BCLAF3: variants seen among roughly 807,000 people sequenced by gnomAD.
BCLAF3 encodes transient octamer binding factor 1.
Under a neutral mutation model 51.2 loss-of-function variants are expected in BCLAF3, and 24 were observed. The observed-to-expected ratio is 0.47, with a 90% CI of 0.34 to 0.66. BCLAF3 has a LOEUF of 0.66. Among genes scored for constraint, BCLAF3 ranks in the 30% least tolerant of loss-of-function variants. The pLI, the probability that BCLAF3 is intolerant of heterozygous loss-of-function variation, is 0.01. For synonymous variants in BCLAF3, 152 were observed against 176.6 expected, an observed-to-expected ratio of 0.86 and a Z score of 1.10; for missense variants, 465 against 525.1, an observed-to-expected ratio of 0.89 and a Z score of 1.12.
At chrX:19,955,946 T>C (rs1191812115) in intron 4 of BCLAF3, among the ~76,000 whole-genome samples, 1 of 112,342 alleles carries the variant, frequency 8.9e-6, no homozygotes, top group African/African-American at 3.2e-5. Context: ...TTATTTTATC[T>C]TGAAATACTA....
intron 10 of BCLAF3, among the ~76,000 whole-genome samples, chrX:19,932,039 T>C (rs962109250): frequency 1.1e-4 from 12 of 112,565 alleles, no homozygotes; most frequent in Non-Finnish European, 1.9e-4. Flanking sequence ...GAATGAAAGC[T>C]ATGAATTCTA....
chrX:19,933,435 T>A (rs1378568210), intron 10 of BCLAF3, among the ~76,000 whole-genome samples: 2 of 112,352 alleles, frequency 1.8e-5, no homozygotes, highest in African/African-American at 6.5e-5. Flanking sequence ...GCGCAAATGA[T>A]GTATTACAAC....
rs750690716 is a variant in BCLAF3 at position 19,970,204 on chromosome X, C to T, written c.41+20G>A. On this transcript the variant is annotated intron_variant, in intron 2 of 11. Coordinates refer to ENST00000379682, the MANE Select transcript of BCLAF3 (RefSeq NM_001367774.2). ...ACAGCACATCCCAAATCCAAGCTTA[C>T]TCTGCTAAGAACTGCTCACCTGTGT... 3 of 1,198,014 alleles carry T rather than the reference C, an allele frequency of 2.5e-6. No homozygotes were observed. The highest frequency in any genetic ancestry group is 3.4e-6 in the Non-Finnish European group (3 of 884,050).
At chrX:19,930,649 G>A (rs183713321) in intron 10 of BCLAF3, 3 of 184,353 alleles carry the variant, frequency 1.6e-5, no homozygotes, top group South Asian at 7.0e-5. Context: ...GTGACAGAGC[G>A]AGACCCTGTC....
intron 8 of BCLAF3, among the ~76,000 whole-genome samples, chrX:19,939,713 G>C (rs1257473647): frequency 8.9e-6 from 1 of 112,099 alleles, no homozygotes; most frequent in African/African-American, 3.2e-5. Context: ...CCATACAATG[G>C]AATATTATTC....
At chrX:19,949,581 A>G (rs757851378) in intron 8 of BCLAF3, among the ~76,000 whole-genome samples, 2 of 111,989 alleles carry the variant, frequency 1.8e-5, no homozygotes, top group South Asian at 7.4e-4. Context: ...ATATTAGGAG[A>G]CTGGAGACTT....
At chrX:19,927,276 A>G (rs1246742596) in intron 11 of BCLAF3, among the ~76,000 whole-genome samples, 1 of 111,590 alleles carries the variant, frequency 9.0e-6, no homozygotes, top group African/African-American at 3.3e-5. Flanking sequence ...ACCATGAGTG[A>G]CACACATGGT....
At chrX:19,924,527 T>C (rs2070296335) in intron 11 of BCLAF3, among the ~76,000 whole-genome samples, 1 of 111,267 alleles carries the variant, frequency 9.0e-6, no homozygotes, top group South Asian at 3.8e-4. Flanking sequence ...TCTTGGTTCC[T>C]GTTCTATTTT....
chrX:19,928,832 A>C (rs1331609195), intron 11 of BCLAF3: 1 of 111,473 alleles, frequency 9.0e-6, no homozygotes, highest in African/African-American at 3.3e-5. Context: ...ACACAAAGAC[A>C]AATACCACAT....
In BCLAF3 at chrX:19,965,166, A is replaced by G; in HGVS notation, c.1152T>C (p.Asn384=). The change falls in exon 4 of 12, where the codon AAT becomes AAC. Residue 384 remains asparagine, a synonymous_variant. Transcript: ENST00000379682. ...TTTTATCAAGTTGGTTACTGGAAGA[A>G]TTGCTCTCTTTTCTACAATCCCCTT... ...KKEGDCRKES[N]SSSNQLDKSQ... is the part of the protein sequence containing the mutation. 3 of 1,208,176 alleles carry G rather than the reference A, an allele frequency of 2.5e-6. No individual in the cohort carries two copies. The highest frequency in any genetic ancestry group is 3.4e-6 in the Non-Finnish European group (3 of 894,657).
intron 9 of BCLAF3, 129 bp from the exon 10 acceptor site, chrX:19,936,027 G>A: frequency 1.9e-6 from 1 of 522,894 alleles, no homozygotes; most frequent in Non-Finnish European, 3.2e-6. Flanking sequence ...AGGGAGCTTA[G>A]CTGTAGAGCA....
intron 4 of BCLAF3, among the ~76,000 whole-genome samples, chrX:19,957,279 T>A (rs985578721): frequency 8.9e-6 from 1 of 111,803 alleles, no homozygotes; most frequent in African/African-American, 3.3e-5. Flanking sequence ...GATAACTAGC[T>A]AAGAGACATT....
rs1036719266 is a variant in BCLAF3 at position 19,913,166 on chromosome X, C to A, written c.*4139G>T. ...TCGGTTCACTGCAACCTTCGCCTCC[C>A]GGGTTTAAGCAATTCTCCTGCCTCA... On this transcript the variant is annotated 3_prime_UTR_variant, in exon 12 of 12. Transcript: ENST00000379682. 1.8e-5 allele frequency: 2 copies of A among 111,899 alleles called. No homozygotes were observed. Among genetic ancestry groups the A allele is most frequent in the East Asian group, 5.6e-4 (2 of 3,587 alleles). 9.2% of individuals were successfully genotyped at this position (111,899 alleles called of 1,213,427 possible).
rs1430841651 is a variant in BCLAF3, at chrX:19,990,918, AGCCCCCGCCGCC to A, written c.-57_-46del. Among the ~76,000 whole-genome samples the A allele has an allele frequency of 4.1e-5, 3 of 73,950 alleles. No individual in the cohort carries two copies. Among genetic ancestry groups the A allele is most frequent in the Non-Finnish European group, 7.8e-5 (3 of 38,698 alleles). The allele number at this position is 73,950 out of a possible 115,157, so 64.2% of individuals were successfully genotyped here. A position where few individuals can be genotyped will look rare whatever the true frequency, so the allele number is the denominator to read the frequency against. ...CCCCGAGCCGCTCACCCGGCCGGGA[AGCCCCCGCCGCC>A]GCCGCCGCCGCCGCCGCCGCCGCCG... On this transcript the variant is annotated 5_prime_UTR_variant, in exon 1 of 12. Transcript: ENST00000379682.
At chrX:19,984,598 CAAT>C (rs1475548228) in intron 1 of BCLAF3, among the ~76,000 whole-genome samples, 11 of 111,002 alleles carry the variant, frequency 9.9e-5, no homozygotes, top group Non-Finnish European at 1.9e-5. Flanking sequence ...AATTTATTAA[CAAT>C]AATTTAAAAA....
chrX:19,969,995 ACT>A (rs1341474271), intron 2 of BCLAF3, among the ~76,000 whole-genome samples: 1 of 112,250 alleles, frequency 8.9e-6, no homozygotes, highest in Non-Finnish European at 1.9e-5. Flanking sequence ...GATATTTCTC[ACT>A]CTCTCTTGCT....
chrX:19,957,563 T>C (rs2071709432), intron 4 of BCLAF3, among the ~76,000 whole-genome samples: 1 of 112,003 alleles, frequency 8.9e-6, no homozygotes, highest in Non-Finnish European at 1.9e-5. Context: ...AGTTTTCCAA[T>C]GAGTAATTAT....
intron 11 of BCLAF3, among the ~76,000 whole-genome samples, chrX:19,919,333 A>G: frequency 8.9e-6 from 1 of 111,807 alleles, no homozygotes; most frequent in Non-Finnish European, 1.9e-5. Flanking sequence ...CTTAAAAAAT[A>G]TGATTGTTTG....
rs190058930 is a variant in BCLAF3, at chrX:19,916,526, T to A, written c.*779A>T. The A allele has an allele frequency of 8.9e-6, 1 of 112,541 alleles. No individual in the cohort carries two copies. Among genetic ancestry groups the A allele is most frequent in the Non-Finnish European group, 1.9e-5 (1 of 53,236 alleles). The allele number at this position is 112,541 out of a possible 1,213,427, so 9.3% of individuals were successfully genotyped here. ...AGTAGTAAAGTACAATTTTCAAATA[T>A]GAGATTTTGTTTGTCAGATTTTTAA... is the stretch of plus-strand genomic sequence containing the variant. On this transcript the variant is annotated 3_prime_UTR_variant, in exon 12 of 12. Transcript: ENST00000379682.
Sources: allele counts gnomAD v4.1 joint callset (sites outside exome capture counted in the v4.1 genomes callset), GRCh38; gene constraint gnomAD v4.1.1; transcripts MANE v1.5; gene names NCBI Gene and HGNC (gene_info 2026-07-23, HGNC 2026-07-21).